The following RNLS variants were observed in gnomAD, a reference collection of about 807,000 sequenced individuals.
RNLS encodes the protein renalase, FAD dependent amine oxidase, also known as renalase.
RNLS carries 39 observed loss-of-function variants against 39.8 expected under a neutral mutation model. The ratio of observed to expected loss-of-function variants is 0.98; its 90% CI spans 0.76 to 1.28. RNLS has a LOEUF of 1.28. RNLS is among the 50% of genes most tolerant of loss of function. The probability of loss-of-function intolerance (pLI) is 0.00; values close to 1 mark genes in which losing one functional copy is unlikely to be tolerated. For missense variants in RNLS, 410 were observed against 413.3 expected (o/e 0.99, Z 0.07); for synonymous variants, 147 against 150.7 (o/e 0.98, Z 0.18).
intron 4 of RNLS, among the ~76,000 whole-genome samples, chr10:88,414,243 TA>T (rs34491405): frequency 1.6e-4 from 23 of 146,874 alleles, no homozygotes; most frequent in East Asian, 3.9e-4. Flanking sequence ...AAAAAAGTGG[TA>T]AAAAAAAAAA....
intron 4 of RNLS, among the ~76,000 whole-genome samples, chr10:88,412,196 C>T (rs1289369720): frequency 6.6e-6 from 1 of 151,904 alleles, no homozygotes; most frequent in African/African-American, 2.4e-5. Context: ...AGAGGAGGGC[C>T]TCAAGTTATG....
At chr10:88,449,170 C>CA (rs1842220865) in intron 4 of RNLS, among the ~76,000 whole-genome samples, 1 of 151,940 alleles carries the variant, frequency 6.6e-6, no homozygotes, top group South Asian at 2.1e-4. Context: ...CAAAACAAAA[C>CA]AAAAAAACAC....
intron 6 of RNLS, among the ~76,000 whole-genome samples, chr10:88,285,844 C>G (rs1211159152): frequency 6.6e-6 from 1 of 151,934 alleles, no homozygotes; most frequent in Non-Finnish European, 1.5e-5. Flanking sequence ...AGTCCTAACC[C>G]CCGAGGTGAT....
intron 4 of RNLS, among the ~76,000 whole-genome samples, chr10:88,376,234 CAA>C (rs1444395343): frequency 6.6e-6 from 1 of 152,038 alleles, no homozygotes; most frequent in Non-Finnish European, 1.5e-5. Flanking sequence ...CACTGTTCCC[CAA>C]GTGTCCTCAG....
intron 5 of RNLS, among the ~76,000 whole-genome samples, chr10:88,358,635 C>T (rs551867054): frequency 6.6e-6 from 1 of 152,264 alleles, no homozygotes; most frequent in East Asian, 1.9e-4. Flanking sequence ...TTGGGAAACA[C>T]AAACAAGGAT....
the RNLS span, among the ~76,000 whole-genome samples, chr10:88,175,430 TGG>T: frequency 1.3e-5 from 2 of 152,294 alleles, no homozygotes; most frequent in East Asian, 3.9e-4. Context: ...CCTCAGGTTT[TGG>T]TGTGTTATGT....
chr10:88,404,005 A>G (rs1478003239), intron 4 of RNLS, among the ~76,000 whole-genome samples: 1 of 152,044 alleles, frequency 6.6e-6, no homozygotes, highest in Non-Finnish European at 1.5e-5. Context: ...GATCACACCA[A>G]TGAACTCCAG....
chr10:88,415,355 G>A (rs971010564), intron 4 of RNLS, among the ~76,000 whole-genome samples: 15 of 152,156 alleles, frequency 9.9e-5, no homozygotes, highest in Non-Finnish European at 2.9e-5. Context: ...AGTGCATTGA[G>A]GTTGTGTTTA....
downstream of RNLS, among the ~76,000 whole-genome samples, chr10:88,282,250 C>T (rs1050936216): frequency 1.3e-5 from 2 of 151,906 alleles, no homozygotes; most frequent in Admixed American, 6.6e-5. Flanking sequence ...CGGACTGTAC[C>T]CCCAACTAAT....
At chr10:88,438,938 C>T (rs1841559687) in intron 4 of RNLS, among the ~76,000 whole-genome samples, 1 of 142,138 alleles carries the variant, frequency 7.0e-6, no homozygotes, top group Non-Finnish European at 1.5e-5. Context: ...TTGCCAAGAA[C>T]AACAACAAGT....
At chr10:88,422,783 G>T (rs867916913) in intron 4 of RNLS, among the ~76,000 whole-genome samples, 2 of 151,066 alleles carry the variant, frequency 1.3e-5, no homozygotes, top group African/African-American at 2.4e-5. Flanking sequence ...TTGACACAAG[G>T]TCTCATTCTG....
At chr10:88,580,772 C>A in intron 3 of RNLS, among the ~76,000 whole-genome samples, 1 of 152,048 alleles carries the variant, frequency 6.6e-6, no homozygotes, top group East Asian at 1.9e-4. Context: ...TAAAGAAATG[C>A]AAATTAAAAC....
intron 5 of RNLS, among the ~76,000 whole-genome samples, chr10:88,361,947 A>T (rs1192721241): frequency 6.6e-6 from 1 of 152,164 alleles, no homozygotes; most frequent in Non-Finnish European, 1.5e-5. Flanking sequence ...TACAATTCAA[A>T]TCTAATTTTT....
intron 4 of RNLS, among the ~76,000 whole-genome samples, chr10:88,569,036 A>C (rs943767439): frequency 4.6e-5 from 7 of 152,214 alleles, no homozygotes; most frequent in African/African-American, 1.7e-4. Context: ...AAAACAAACC[A>C]AAACAATGGC....
chr10:88,189,362 CTG>C, the RNLS span, among the ~76,000 whole-genome samples: 1 of 152,108 alleles, frequency 6.6e-6, no homozygotes, highest in African/African-American at 2.4e-5. Context: ...TTGTTTTACT[CTG>C]TGTATTTTAG....
At chr10:88,184,884 C>G in the RNLS span, among the ~76,000 whole-genome samples, 36 of 152,178 alleles carry the variant, frequency 2.4e-4, no homozygotes, top group Non-Finnish European at 3.7e-4. Flanking sequence ...TGTTGGCCAC[C>G]AAGGTATCAA....
intron 4 of RNLS, among the ~76,000 whole-genome samples, chr10:88,452,289 G>T (rs1026362303): frequency 1.3e-5 from 2 of 152,166 alleles, no homozygotes; most frequent in African/African-American, 4.8e-5. Context: ...TCAAAAGTGG[G>T]AACTACGGTG....
rs778156515 is a variant in RNLS at position 88,573,048 on chromosome 10, G to A, written c.381C>T (p.Tyr127=). The A allele has an allele frequency of 6.2e-7, 1 of 1,613,856 alleles. No homozygotes were observed. The highest frequency in any genetic ancestry group is 1.1e-5 in the South Asian group (1 of 91,036). The stretch of plus-strand genomic sequence containing the variant: ...TGATCTGTGTCACACGATGTCTGAA[G>A]TAGACTTCTGCACCTGTTCCAAAAG... ...HYLKESGAEV[Y]FRHRVTQINL... Residue 127 remains tyrosine (Y), a synonymous_variant, in exon 4 of 7, where the codon TAC becomes TAT. Transcript: ENST00000331772.
At chr10:88,445,709 G>A (rs561392448) in intron 4 of RNLS, among the ~76,000 whole-genome samples, 1 of 152,256 alleles carries the variant, frequency 6.6e-6, no homozygotes, top group East Asian at 1.9e-4. Context: ...GATCAAAAGA[G>A]ACAAACAAGG....
Sources: gnomAD v4.1 joint callset for allele counts (sites outside exome capture counted in the v4.1 genomes callset) on GRCh38, gnomAD v4.1.1 for gene constraint, MANE v1.5 for transcripts, NCBI Gene and HGNC (gene_info 2026-07-23, HGNC 2026-07-21) for gene names.